Variants in CA10 observed in about 807,000 individuals in gnomAD.
CA10 encodes carbonic anhydrase 10 (inactive), also known as carbonic anhydrase-related protein 10.
Under a neutral mutation model 44.2 loss-of-function variants are expected in CA10, and 14 were observed. The observed-to-expected ratio is 0.32, with a 90% confidence interval of 0.21 to 0.50. The LOEUF (loss-of-function observed/expected upper bound fraction) is 0.50. Among genes scored for constraint, CA10 ranks in the 20% least tolerant of loss-of-function variants. The probability of loss-of-function intolerance (pLI) is 0.99; values close to 1 mark genes in which losing one functional copy is unlikely to be tolerated. For synonymous variants in CA10, 159 were observed against 141.6 expected, an observed-to-expected ratio of 1.12 and a Z score of -0.87; for missense variants, 350 against 409.7, an observed-to-expected ratio of 0.85 and a Z score of 1.26.
At chr17:51,670,282 G>A (rs1914367738) in intron 4 of CA10, among the ~76,000 whole-genome samples, 1 of 152,160 alleles carries the variant, frequency 6.6e-6, no homozygotes, top group South Asian at 2.1e-4. Context: ...CCCTACAGAG[G>A]TCATCTCATT....
intron 3 of CA10, among the ~76,000 whole-genome samples, chr17:51,757,188 T>C (rs189495362): frequency 3.5e-3 from 530 of 152,186 alleles, no homozygotes; most frequent in Non-Finnish European, 5.5e-3. Flanking sequence ...GCAAAGTAGC[T>C]CAAGAGATCA....
intron 3 of CA10, among the ~76,000 whole-genome samples, chr17:51,780,604 C>T (rs914337440): frequency 1.3e-5 from 2 of 152,106 alleles, no homozygotes; most frequent in African/African-American, 4.8e-5. Context: ...ACATGGACAC[C>T]TAAATGAACA....
At chr17:51,988,291 C>A (rs1156562997) in intron 2 of CA10, among the ~76,000 whole-genome samples, 1 of 151,652 alleles carries the variant, frequency 6.6e-6, no homozygotes, top group Non-Finnish European at 1.5e-5. Flanking sequence ...ATTAAATATG[C>A]AAGTATAGTT....
chr17:52,056,075 T>C (rs756441138), intron 2 of CA10, among the ~76,000 whole-genome samples: 9 of 151,860 alleles, frequency 5.9e-5, no homozygotes, highest in Non-Finnish European at 1.0e-4. Context: ...GAAGAGGAGA[T>C]GGCAGATGAA....
At chr17:51,771,640 C>A (rs922080573) in intron 3 of CA10, among the ~76,000 whole-genome samples, 13 of 152,188 alleles carry the variant, frequency 8.5e-5, no homozygotes, top group African/African-American at 3.1e-4. Context: ...CACTATGTCT[C>A]AGCCTTGCCA....
At chr17:52,074,908 C>T (rs571525251) in intron 1 of CA10, among the ~76,000 whole-genome samples, 1 of 152,138 alleles carries the variant, frequency 6.6e-6, no homozygotes, top group East Asian at 1.9e-4. Context: ...AATGTTTTGA[C>T]ATGTTAAAAT....
intron 1 of CA10, among the ~76,000 whole-genome samples, chr17:52,076,043 G>T (rs187180111): frequency 6.6e-6 from 1 of 151,908 alleles, no homozygotes. Flanking sequence ...TTGTCAAGAC[G>T]GCAAAAAAGG....
intron 3 of CA10, among the ~76,000 whole-genome samples, chr17:51,801,762 G>A (rs1345778788): frequency 1.3e-5 from 2 of 152,184 alleles, no homozygotes; most frequent in African/African-American, 2.4e-5. Flanking sequence ...GCATTCTAGT[G>A]CCAGACAACC....
At chr17:51,683,463 A>G (rs976370447) in intron 4 of CA10, among the ~76,000 whole-genome samples, 2 of 152,212 alleles carry the variant, frequency 1.3e-5, no homozygotes, top group Admixed American at 6.5e-5. Flanking sequence ...GTGTGGACCA[A>G]ATGAGATAAT....
At chr17:52,011,007 G>C (rs1225336725) in intron 2 of CA10, among the ~76,000 whole-genome samples, 1 of 151,218 alleles carries the variant, frequency 6.6e-6, no homozygotes, top group African/African-American at 2.4e-5. Flanking sequence ...GGGCGGGGGA[G>C]GGGGCACAGA....
intron 4 of CA10, among the ~76,000 whole-genome samples, chr17:51,737,466 T>C (rs1017149906): frequency 2.0e-5 from 3 of 152,132 alleles, no homozygotes; most frequent in African/African-American, 7.2e-5. Context: ...AACTGACTTG[T>C]ACAGCACTTT....
chr17:51,952,253 G>C (rs565869484), intron 2 of CA10, among the ~76,000 whole-genome samples: 1 of 152,150 alleles, frequency 6.6e-6, no homozygotes, highest in Non-Finnish European at 1.5e-5. Flanking sequence ...CACACACTGG[G>C]TGGTGAAACA....
intron 1 of CA10, among the ~76,000 whole-genome samples, chr17:52,076,841 TGA>T (rs1422394336): frequency 6.6e-6 from 1 of 152,164 alleles, no homozygotes; most frequent in African/African-American, 2.4e-5. Context: ...AAGAGCTGAT[TGA>T]GAATTCCTCA....
chr17:52,151,104 T>C (rs995727757), intron 1 of CA10, among the ~76,000 whole-genome samples: 1 of 152,088 alleles, frequency 6.6e-6, no homozygotes, highest in Non-Finnish European at 1.5e-5. Context: ...AAATATTAAG[T>C]TGCACACAAA....
chr17:51,746,069 TC>T (rs1400546857), intron 4 of CA10, among the ~76,000 whole-genome samples: 2 of 152,142 alleles, frequency 1.3e-5, no homozygotes, highest in African/African-American at 4.8e-5. Flanking sequence ...TTGGCAGACA[TC>T]CCTAATCAAT....
At chr17:52,108,423 G>T (rs188932983) in intron 1 of CA10, among the ~76,000 whole-genome samples, 40 of 151,668 alleles carry the variant, frequency 2.6e-4, no homozygotes, top group African/African-American at 8.2e-4. Context: ...CATGGGCCAG[G>T]CGCAGTGGCT....
At chr17:51,788,709 G>A (rs1906392526) in intron 3 of CA10, among the ~76,000 whole-genome samples, 1 of 152,088 alleles carries the variant, frequency 6.6e-6, no homozygotes, top group Non-Finnish European at 1.5e-5. Context: ...GATTTCCCTT[G>A]AACACTTCAA....
intron 3 of CA10, among the ~76,000 whole-genome samples, chr17:51,849,176 CATATATGTAT>C (rs1978642754): frequency 2.6e-5 from 2 of 78,050 alleles, no homozygotes; most frequent in African/African-American, 9.9e-5. Flanking sequence ...TATATATATA[CATATATGTAT>C]ATATATATAT....
intron 2 of CA10, among the ~76,000 whole-genome samples, chr17:52,071,704 G>A (rs1316578268): frequency 1.3e-5 from 2 of 151,908 alleles, no homozygotes; most frequent in East Asian, 1.9e-4. Context: ...CTCTTGCCTC[G>A]CTTTACTAAA....
Sources: gnomAD v4.1 joint callset for allele counts (sites outside exome capture counted in the v4.1 genomes callset) on GRCh38, gnomAD v4.1.1 for gene constraint, MANE v1.5 for transcripts, NCBI Gene and HGNC (gene_info 2026-07-23, HGNC 2026-07-21) for gene names.